ARMC9: variants seen among roughly 807,000 people sequenced by gnomAD.
The protein encoded by ARMC9 is armadillo repeat containing 9.
In ARMC9, 94 loss-of-function variants were observed where a neutral mutation model predicts 107.0. The ratio of observed to expected loss-of-function variants is 0.88; its 90% CI spans 0.74 to 1.04. ARMC9 has a LOEUF of 1.04. Ranked by LOEUF, ARMC9 falls within the 50% of genes least tolerant of loss-of-function variation. ARMC9 has a pLI of 0.00. For synonymous variants in ARMC9, 380 were observed against 396.9 expected, an observed-to-expected ratio of 0.96 and a Z score of 0.51; for missense variants, 942 against 1,030.1, an observed-to-expected ratio of 0.91 and a Z score of 1.17.
At chr2:231,203,827 G>T (rs1019445946) in intron 1 of ARMC9, among the ~76,000 whole-genome samples, 1 of 152,166 alleles carries the variant, frequency 6.6e-6, no homozygotes, top group Non-Finnish European at 1.5e-5. Context: ...AGGCATGGTG[G>T]CGGGTGCCTG....
At chr2:231,270,226 C>T (rs76151222) in intron 12 of ARMC9, among the ~76,000 whole-genome samples, 3 of 152,146 alleles carry the variant, frequency 2.0e-5, no homozygotes, top group Non-Finnish European at 4.4e-5. Context: ...ACTAACCCCC[C>T]TCTCCATTTT....
chr2:231,257,144 T>A (rs576524615), intron 10 of ARMC9, among the ~76,000 whole-genome samples: 1 of 152,314 alleles, frequency 6.6e-6, no homozygotes, highest in East Asian at 1.9e-4. Flanking sequence ...ATTCTTTTGG[T>A]AAGGAAGCCT....
At chr2:231,262,618 T>A (rs1275690312) in intron 12 of ARMC9, among the ~76,000 whole-genome samples, 1 of 152,230 alleles carries the variant, frequency 6.6e-6, no homozygotes, top group East Asian at 1.9e-4. Flanking sequence ...GGAGCTCTTT[T>A]CTGCCGTTTT....
At chr2:231,282,672 C>T (rs2040301927) in intron 17 of ARMC9, among the ~76,000 whole-genome samples, 1 of 152,136 alleles carries the variant, frequency 6.6e-6, no homozygotes, top group African/African-American at 2.4e-5. Flanking sequence ...AATATATTTC[C>T]ACCTTCAAAA....
intron 8 of ARMC9, 81 bp downstream of exon 8, chr2:231,235,462 G>A (rs1447726860): frequency 1.0e-5 from 15 of 1,489,280 alleles, no homozygotes; most frequent in African/African-American, 1.4e-5. Context: ...GATATGGCAG[G>A]TGGAGCCTGC....
intron 9 of ARMC9, among the ~76,000 whole-genome samples, chr2:231,241,960 A>G (rs1275555237): frequency 6.6e-6 from 1 of 152,104 alleles, no homozygotes; most frequent in Non-Finnish European, 1.5e-5. Flanking sequence ...TTTATTATGT[A>G]ATATTTCCTG....
At chr2:231,283,317 G>GT (rs2040354315) in intron 17 of ARMC9, among the ~76,000 whole-genome samples, 1 of 152,116 alleles carries the variant, frequency 6.6e-6, no homozygotes, top group Admixed American at 6.6e-5. Flanking sequence ...AAATACAAAC[G>GT]TAACAGTAAG....
At chr2:231,301,389 G>A in intron 19 of ARMC9, among the ~76,000 whole-genome samples, 1 of 152,018 alleles carries the variant, frequency 6.6e-6, no homozygotes. Context: ...TTTAATAATA[G>A]ATTTTTCCAG....
chr2:231,253,012 A>C (rs1273735956), intron 9 of ARMC9, among the ~76,000 whole-genome samples: 1 of 152,136 alleles, frequency 6.6e-6, no homozygotes, highest in Non-Finnish European at 1.5e-5. Flanking sequence ...AGGAATAGGT[A>C]ATTTCTTTAT....
intron 19 of ARMC9, among the ~76,000 whole-genome samples, chr2:231,306,909 CCTT>C (rs2125504081): frequency 6.6e-6 from 1 of 152,296 alleles, no homozygotes; most frequent in South Asian, 2.1e-4. Context: ...TTCTTCCTTC[CCTT>C]CTTGACCAGA....
chr2:231,316,554 T>TGGGAGAATCGCTTGAACCC (rs1315585199), intron 19 of ARMC9, among the ~76,000 whole-genome samples: 23 of 150,716 alleles, frequency 1.5e-4, no homozygotes, highest in African/African-American at 5.6e-4. Context: ...GAGGCTGAGG[T>TGGGAGAATCGCTTGAACCC]GGGAGAATCG....
At chr2:231,359,179 G>A (rs548159987) in intron 22 of ARMC9, among the ~76,000 whole-genome samples, 1 of 147,712 alleles carries the variant, frequency 6.8e-6, no homozygotes. Flanking sequence ...TCCGCCTCCC[G>A]GGGTTCAAGT....
At chr2:231,272,763 G>T (rs1000256764) in intron 13 of ARMC9, among the ~76,000 whole-genome samples, 192 bp from the exon 14 acceptor site, 10 of 152,060 alleles carry the variant, frequency 6.6e-5, no homozygotes, top group Non-Finnish European at 1.5e-4. Context: ...TGATCTGCCT[G>T]CCTTGGCTTC....
At chr2:231,339,257 G>A (rs1209340333) in intron 20 of ARMC9, among the ~76,000 whole-genome samples, 1 of 151,982 alleles carries the variant, frequency 6.6e-6, no homozygotes, top group East Asian at 1.9e-4. Context: ...GAACCTGGGA[G>A]GCAGAGGTTG....
intron 5 of ARMC9, among the ~76,000 whole-genome samples, chr2:231,221,786 G>A (rs930701362): frequency 7.2e-6 from 1 of 139,348 alleles, no homozygotes; most frequent in Non-Finnish European, 1.5e-5. Flanking sequence ...AGCATAGATC[G>A]AGCCACTGCA....
At chr2:231,267,235 T>A (rs1439278410) in intron 12 of ARMC9, among the ~76,000 whole-genome samples, 1 of 152,136 alleles carries the variant, frequency 6.6e-6, no homozygotes, top group East Asian at 1.9e-4. Flanking sequence ...AATATTTATT[T>A]TTTTTTTAAT....
intron 9 of ARMC9, among the ~76,000 whole-genome samples, chr2:231,254,352 A>G (rs1036854924): frequency 2.0e-5 from 3 of 152,196 alleles, no homozygotes; most frequent in African/African-American, 7.2e-5. Context: ...TTAAGAAAGT[A>G]AACTCTTTTC....
chr2:231,234,798 A>AT (rs1410572971), intron 7 of ARMC9, among the ~76,000 whole-genome samples: 1 of 151,846 alleles, frequency 6.6e-6, no homozygotes, highest in Admixed American at 6.6e-5. Context: ...TAGAGATGGG[A>AT]TTTTACCATG....
At chr2:231,326,607 T>C (rs1000047487) in intron 19 of ARMC9, among the ~76,000 whole-genome samples, 3 of 152,074 alleles carry the variant, frequency 2.0e-5, no homozygotes, top group Non-Finnish European at 4.4e-5. Context: ...GCACTGACTA[T>C]GTGGTTGAGA....
Sources: gnomAD v4.1 joint callset for allele counts (sites outside exome capture counted in the v4.1 genomes callset) on GRCh38, gnomAD v4.1.1 for gene constraint, MANE v1.5 for transcripts, NCBI Gene and HGNC (gene_info 2026-07-23, HGNC 2026-07-21) for gene names.